STRADA: variants seen among roughly 807,000 people sequenced by gnomAD.
STRADA encodes the protein STE20-related kinase adapter protein alpha.
In STRADA, 26 loss-of-function variants were observed where a neutral mutation model predicts 55.0. That is an observed-to-expected ratio of 0.47 (90% CI 0.35 to 0.66). The LOEUF is 0.66. STRADA is among the 30% of genes least tolerant of loss of function. STRADA has a pLI of 0.01. For missense variants in STRADA, 443 were observed against 549.7 expected, an observed-to-expected ratio of 0.81 and a Z score of 1.94; for synonymous variants, 197 against 210.9, an observed-to-expected ratio of 0.93 and a Z score of 0.57.
intron 8 of STRADA, among the ~76,000 whole-genome samples, chr17:63,708,123 C>T (rs1282047341): frequency 4.6e-5 from 7 of 152,164 alleles, no homozygotes; most frequent in East Asian, 1.9e-4. Context: ...TTAAATGATC[C>T]GCCTGCTTTG....
intron 3 of STRADA, chr17:63,723,618 T>C: frequency 2.8e-6 from 1 of 355,830 alleles, no homozygotes; most frequent in Non-Finnish European, 5.2e-6. Context: ...TTTCTGGTCA[T>C]ACATTTACTT....
chr17:63,724,568 GCTGA>G (rs2037518780), intron 3 of STRADA, among the ~76,000 whole-genome samples: 1 of 151,834 alleles, frequency 6.6e-6, no homozygotes, highest in African/African-American at 2.4e-5. Context: ...GCGCCACCAT[GCTGA>G]CTATCTTTTT....
rs1158642819 is a variant in STRADA, at chr17:63,706,702, C to T, written c.791G>A (p.Ser264Asn). 4 of 1,614,038 alleles carry T rather than the reference C, an allele frequency of 2.5e-6. No homozygotes were observed. The highest frequency in any genetic ancestry group is 3.4e-6 in the Non-Finnish European group (4 of 1,179,930). ...CAGTTCACAGGCTGTGATTCCCACA[C>T]TGTAGATGTCAGACTTGGCATCATA... ...QGYDAKSDIY[S>N]VGITACELAN... The change falls in exon 10 of 13, where the codon AGT (serine) becomes AAT (asparagine). Residue 264 changes from serine to asparagine, a missense_variant. Transcript: ENST00000336174.
chr17:63,740,119 T>TAC lies in STRADA; in HGVS notation c.-45+1621_-45+1622insGT, dbSNP rs2038800561. 9.4e-5 allele frequency among the ~76,000 whole-genome samples: 8 copies of TAC among 84,772 alleles called. 1 individual carries two copies. The highest frequency in any genetic ancestry group is 1.5e-4 in the Non-Finnish European group (7 of 46,872). The allele number at this position is 84,772 out of a possible 152,430, so 55.6% of individuals were successfully genotyped here. A position where few individuals can be genotyped will look rare whatever the true frequency, so the allele number is the denominator to read the frequency against. ...ATATATATATATATACATACATACA[T>TAC]ATATATATACACATACATATATATA... On this transcript the variant is annotated intron_variant, in intron 1 of 12. Transcript: ENST00000336174.
In STRADA at chr17:63,710,535, C is replaced by T. The variant is rs1472304275; in HGVS notation, c.537G>A (p.Val179=). ...ELAIAYILQG[V]LKALDYIHHM... is the part of the protein sequence containing the mutation. ...GGTGGATGTAGTCGAGGGCCTTCAG[C>T]ACCCCCTGCAGGATGTAAGCAATCG... The change falls in exon 8 of 13, where the codon GTG becomes GTA. Residue 179 remains valine, a synonymous_variant. Coordinates refer to ENST00000336174, the MANE Select transcript of STRADA (RefSeq NM_001003787.4). 3 of 1,613,972 alleles carry T rather than the reference C, an allele frequency of 1.9e-6. No individual in the cohort carries two copies. The highest frequency in any genetic ancestry group is 2.5e-6 in the Non-Finnish European group (3 of 1,179,874).
chr17:63,711,754 C>T (rs920074124), intron 6 of STRADA, among the ~76,000 whole-genome samples: 8 of 151,878 alleles, frequency 5.3e-5, no homozygotes, highest in African/African-American at 1.4e-4. Flanking sequence ...GGCAACATGG[C>T]GAAACCCCAT....
At chr17:63,728,279 C>G in intron 2 of STRADA, 55 bp downstream of exon 2, 2 of 1,584,254 alleles carry the variant, frequency 1.3e-6, no homozygotes, top group South Asian at 2.2e-5. Context: ...TGCCAAAATA[C>G]ACTGCTTTTC....
intron 1 of STRADA, among the ~76,000 whole-genome samples, chr17:63,733,411 CCTTTT>C (rs1757971941): frequency 6.6e-6 from 1 of 151,076 alleles, no homozygotes; most frequent in Non-Finnish European, 1.5e-5. Context: ...TTTTCTTCTT[CCTTTT>C]ATCTTTGCTT....
intron 1 of STRADA, among the ~76,000 whole-genome samples, chr17:63,733,434 C>G (rs1411719751): frequency 6.7e-6 from 1 of 150,278 alleles, no homozygotes; most frequent in Admixed American, 6.6e-5. Flanking sequence ...CTTTTCTATT[C>G]TTGTTTATCT....
At chr17:63,704,086 C>T (rs763209306) in intron 11 of STRADA, 39 bp from the exon 12 acceptor site, 6 of 1,604,802 alleles carry the variant, frequency 3.7e-6, no homozygotes, top group Non-Finnish European at 5.1e-6. Flanking sequence ...GCATCACTGC[C>T]GTGTCCCCAG....
intron 1 of STRADA, among the ~76,000 whole-genome samples, chr17:63,731,455 G>A (rs1480320715): frequency 4.0e-5 from 6 of 151,190 alleles, no homozygotes; most frequent in Admixed American, 1.3e-4. Flanking sequence ...TAGTAGAGGC[G>A]GGGTTTCACC....
chr17:63,704,287 C>T (rs780044109), intron 11 of STRADA, 54 bp downstream of exon 11: 3 of 1,602,562 alleles, frequency 1.9e-6, no homozygotes, highest in Non-Finnish European at 2.6e-6. Flanking sequence ...CTGGCCTTAC[C>T]CTCCTGAGCA....
intron 3 of STRADA, among the ~76,000 whole-genome samples, chr17:63,725,174 G>C (rs1175715868): frequency 1.3e-5 from 2 of 152,000 alleles, no homozygotes; most frequent in African/African-American, 4.8e-5. Flanking sequence ...GGAGTTTGCA[G>C]TGAGCCGAGA....
chr17:63,728,016 T>G, intron 2 of STRADA: 1 of 232,152 alleles, frequency 4.3e-6, no homozygotes, highest in Non-Finnish European at 8.2e-6. Flanking sequence ...TCACGGGGGG[T>G]CATAAGCAGT....
rs373374327 is a variant in STRADA, at chr17:63,710,714, C to G, written c.457+14G>C. 2.0e-4 allele frequency: 323 copies of G among 1,614,062 alleles called. 1 individual carries two copies. The African/African-American group carries it at 3.0e-3, about 15-fold the overall frequency. On this transcript the variant is annotated intron_variant, in intron 7 of 12. Transcript: ENST00000336174. Reference sequence around the variant, plus strand: ...CCAATAACCCCTTTCTACCAAGAACCCTTTCCCACTCACCGTATGCCATGA... The same window carrying G: ...CCAATAACCCCTTTCTACCAAGAACGCTTTCCCACTCACCGTATGCCATGA...
intron 3 of STRADA, among the ~76,000 whole-genome samples, chr17:63,724,915 T>C (rs1187815828): frequency 6.6e-6 from 1 of 152,188 alleles, no homozygotes; most frequent in Admixed American, 6.5e-5. Flanking sequence ...TTCACAGATA[T>C]CACTAGTCCA....
chr17:63,733,531 G>T (rs2038215837), intron 1 of STRADA, among the ~76,000 whole-genome samples: 2 of 152,086 alleles, frequency 1.3e-5, no homozygotes, highest in East Asian at 3.9e-4. Context: ...CCAATTTAAA[G>T]AAATAGTATT....
At chr17:63,738,879 C>T (rs1416603210) in intron 1 of STRADA, among the ~76,000 whole-genome samples, 7 of 150,324 alleles carry the variant, frequency 4.7e-5, no homozygotes, top group African/African-American at 7.4e-5. Context: ...AGGCCGGGTG[C>T]GGTGGCTCAC....
At chr17:63,741,183 C>T (rs1416312505) in intron 1 of STRADA, 1 of 152,212 alleles carries the variant, frequency 6.6e-6, no homozygotes, top group Non-Finnish European at 1.5e-5. Context: ...GCCCCTCCCT[C>T]GAGCTCTCTT....
Sources: gnomAD v4.1 joint callset for allele counts (sites outside exome capture counted in the v4.1 genomes callset) on GRCh38, gnomAD v4.1.1 for gene constraint, MANE v1.5 for transcripts, NCBI Gene and HGNC (gene_info 2026-07-23, HGNC 2026-07-21) for gene names.